The following CTNNA3 variants were observed in gnomAD, a reference collection of about 807,000 sequenced individuals.
CTNNA3 encodes the protein catenin alpha 3, also known as catenin alpha-3.
CTNNA3 carries 76 observed loss-of-function variants against 95.7 expected under a neutral mutation model. That is an observed-to-expected ratio of 0.79 (90% CI 0.66 to 0.96). The LOEUF is 0.96. CTNNA3 is among the 40% of genes least tolerant of loss of function. The pLI is 0.00. For synonymous variants in CTNNA3, 431 were observed against 374.4 expected (o/e 1.15, Z -1.74); for missense variants, 1,191 against 1,089.8 (o/e 1.09, Z -1.31).
At chr10:66,899,680 G>A (rs73327404) in intron 7 of CTNNA3, among the ~76,000 whole-genome samples, 13,156 of 152,136 alleles carry the variant, frequency 0.086, 703 homozygotes, top group African/African-American at 0.15. Context: ...CTTAGCAACC[G>A]GCAGACCAGG....
chr10:66,527,867 A>G (rs1324096322), intron 10 of CTNNA3, among the ~76,000 whole-genome samples: 3 of 152,194 alleles, frequency 2.0e-5, no homozygotes, highest in Non-Finnish European at 4.4e-5. Flanking sequence ...AGAGTATGTC[A>G]TCACTGAACA....
intron 13 of CTNNA3, among the ~76,000 whole-genome samples, chr10:66,169,691 G>C (rs10822735): frequency 6.6e-6 from 1 of 151,898 alleles, no homozygotes; most frequent in Non-Finnish European, 1.5e-5. Flanking sequence ...TCTATTATTT[G>C]TTTATTTTTT....
At chr10:66,312,955 C>T (rs2092044782) in intron 12 of CTNNA3, among the ~76,000 whole-genome samples, 1 of 152,242 alleles carries the variant, frequency 6.6e-6, no homozygotes, top group East Asian at 1.9e-4. Context: ...ACATTGCCTG[C>T]TGAAATTCTT....
intron 12 of CTNNA3, among the ~76,000 whole-genome samples, chr10:66,324,311 C>T (rs1227004130): frequency 6.6e-6 from 1 of 152,180 alleles, no homozygotes; most frequent in South Asian, 2.1e-4. Context: ...CAGAGCGAGA[C>T]TGCATCTCAA....
intron 4 of CTNNA3, among the ~76,000 whole-genome samples, chr10:67,531,544 C>A (rs1006238267): frequency 2.0e-5 from 3 of 152,166 alleles, no homozygotes; most frequent in African/African-American, 4.8e-5. Context: ...AATGCCTGTA[C>A]CCTCATTGTA....
At chr10:66,024,084 C>CTTTTT (rs1183185763) in intron 15 of CTNNA3, among the ~76,000 whole-genome samples, 21 of 62,670 alleles carry the variant, frequency 3.4e-4, no homozygotes, top group South Asian at 6.5e-4. Context: ...ATACCATACA[C>CTTTTT]ATTTTTTTTT....
At chr10:66,209,539 A>G (rs1417554935) in intron 13 of CTNNA3, among the ~76,000 whole-genome samples, 1 of 152,174 alleles carries the variant, frequency 6.6e-6, no homozygotes, top group Non-Finnish European at 1.5e-5. Context: ...CCGAGGCAGG[A>G]TCATAGCCAG....
At chr10:66,159,589 T>C (rs1198129847) in intron 13 of CTNNA3, among the ~76,000 whole-genome samples, 1 of 151,856 alleles carries the variant, frequency 6.6e-6, no homozygotes, top group African/African-American at 2.4e-5. Context: ...AGCATCTATG[T>C]TCATCAAAGA....
chr10:67,384,141 G>C (rs1371218421), intron 5 of CTNNA3, among the ~76,000 whole-genome samples: 1 of 151,796 alleles, frequency 6.6e-6, no homozygotes, highest in Non-Finnish European at 1.5e-5. Context: ...GTTTTATAAG[G>C]ATACATAAAA....
At chr10:66,611,978 A>G (rs1168223229) in intron 10 of CTNNA3, among the ~76,000 whole-genome samples, 1 of 151,986 alleles carries the variant, frequency 6.6e-6, no homozygotes, top group Non-Finnish European at 1.5e-5. Context: ...TTTATTTTCT[A>G]TCATCTCAAC....
chr10:66,248,948 C>A (rs1160013151), intron 13 of CTNNA3, among the ~76,000 whole-genome samples: 5 of 152,096 alleles, frequency 3.3e-5, no homozygotes, highest in Non-Finnish European at 7.4e-5. Flanking sequence ...GGCATTAAAA[C>A]AGACACATAG....
chr10:67,366,855 C>G (rs1843238887), intron 5 of CTNNA3, among the ~76,000 whole-genome samples: 1 of 151,998 alleles, frequency 6.6e-6, no homozygotes, highest in African/African-American at 2.4e-5. Context: ...TACATACAAA[C>G]ATTAACTCAA....
intron 7 of CTNNA3, among the ~76,000 whole-genome samples, chr10:67,170,874 A>C (rs1195966571): frequency 6.6e-6 from 1 of 152,206 alleles, no homozygotes; most frequent in Non-Finnish European, 1.5e-5. Context: ...TTGAACACGA[A>C]ATATGGTTAG....
chr10:66,504,951 T>G (rs1469413668), intron 11 of CTNNA3, among the ~76,000 whole-genome samples: 2 of 152,198 alleles, frequency 1.3e-5, no homozygotes, highest in Non-Finnish European at 1.5e-5. Context: ...ATTTAGAAAC[T>G]ATTATATTGT....
chr10:66,657,704 ATT>A (rs1423794108), intron 9 of CTNNA3, among the ~76,000 whole-genome samples: 4 of 152,188 alleles, frequency 2.6e-5, no homozygotes, highest in Non-Finnish European at 1.5e-5. Flanking sequence ...TTGAGAATAG[ATT>A]TCCACCCATT....
chr10:65,931,459 T>A (rs2077251371), intron 17 of CTNNA3, among the ~76,000 whole-genome samples: 1 of 152,180 alleles, frequency 6.6e-6, no homozygotes, highest in East Asian at 1.9e-4. Flanking sequence ...GGGAAGCAGA[T>A]AACAAGACAG....
chr10:65,927,298 A>G (rs2077182488), intron 17 of CTNNA3, among the ~76,000 whole-genome samples: 1 of 152,182 alleles, frequency 6.6e-6, no homozygotes, highest in Non-Finnish European at 1.5e-5. Flanking sequence ...TAAGCTCTGA[A>G]TGATTTAAAA....
chr10:66,624,719 T>G (rs1242512751), intron 9 of CTNNA3, among the ~76,000 whole-genome samples: 2 of 152,184 alleles, frequency 1.3e-5, no homozygotes, highest in Admixed American at 6.5e-5. Context: ...GGTCACCATT[T>G]TGTGACATTT....
intron 7 of CTNNA3, among the ~76,000 whole-genome samples, chr10:66,980,961 C>T (rs1228768900): frequency 2.6e-5 from 4 of 152,044 alleles, no homozygotes; most frequent in East Asian, 1.9e-4. Context: ...GGCTGGAGTG[C>T]GATGGTGTGA....
Sources: gnomAD v4.1 joint callset for allele counts (sites outside exome capture counted in the v4.1 genomes callset) on GRCh38, gnomAD v4.1.1 for gene constraint, MANE v1.5 for transcripts, NCBI Gene and HGNC (gene_info 2026-07-23, HGNC 2026-07-21) for gene names.